The following HOMER3 variants were observed in gnomAD, a reference collection of about 807,000 sequenced individuals.
HOMER3 encodes the protein homer scaffold protein 3.
A neutral mutation model predicts 45.5 loss-of-function variants in HOMER3; 34 were observed. That is an observed-to-expected ratio of 0.75 (90% CI 0.57 to 1.00). The LOEUF (loss-of-function observed/expected upper bound fraction) is 1.00. Among genes scored for constraint, HOMER3 ranks in the 50% least tolerant of loss-of-function variants. The pLI is 0.00. For synonymous variants in HOMER3, 223 were observed against 208.8 expected (o/e 1.07, Z -0.58); for missense variants, 480 against 497.5 (o/e 0.96, Z 0.33).
intron 6 of HOMER3, 45 bp downstream of exon 6, chr19:18,932,879 A>AACCCCCCCCCCCCCCCCCCCCCC: frequency 8.8e-6 from 2 of 226,446 alleles, no homozygotes; most frequent in Non-Finnish European, 1.7e-5. Context: ...CTCGTCCCCC[A>AACCCCCCCCCCCCCCCCCCCCCC]CCCCTACCCC....
intron 4 of HOMER3, among the ~76,000 whole-genome samples, chr19:18,935,389 G>A (rs1281289014): frequency 6.6e-6 from 1 of 152,062 alleles, no homozygotes; most frequent in Non-Finnish European, 1.5e-5. Flanking sequence ...ACCCACCTCG[G>A]CCTCCCAAAG....
chr19:18,929,481 G>T lies in HOMER3; in HGVS notation c.1048C>A (p.Arg350Ser). ...TCAGCCAGGCGGGCCAGGCCCTCACGCAGCTCACTCAGCTCAAACAGGCTG... is the reference window on the plus strand; with the variant it reads ...TCAGCCAGGCGGGCCAGGCCCTCACTCAGCTCACTCAGCTCAAACAGGCTG... ...DVSLFELSELREGLARLAEAA... is the reference protein window; with the variant it reads ...DVSLFELSELSEGLARLAEAA... The change falls in exon 10 of 10, where the codon CGT becomes AGT. Residue 350 changes from arginine to serine, a missense_variant. Physicochemically the swap from Arg to Ser is moderately radical, Grantham distance 110. Transcript: ENST00000392351. The T allele has an allele frequency of 6.3e-7, 1 of 1,599,220 alleles. No homozygotes were observed. Among genetic ancestry groups the T allele is most frequent in the Non-Finnish European group, 8.5e-7 (1 of 1,175,530 alleles).
At position 18,929,593 on chromosome 19, in the gene HOMER3, C is replaced by T; in HGVS notation, c.936G>A (p.Arg312=). The change falls in exon 10 of 10, where the codon CGG becomes CGA. Residue 312 remains arginine, a synonymous_variant. Transcript: ENST00000392351. ...TRNAELEHQL[R]AMERSLEEAR... Reference sequence around the variant, plus strand: ...CCTCCTCCAGGCTGCGCTCCATCGCCCGCAGCTGGTGCTCCAACTCCGCAT... The same window carrying T: ...CCTCCTCCAGGCTGCGCTCCATCGCTCGCAGCTGGTGCTCCAACTCCGCAT... The T allele has an allele frequency of 6.5e-7, 1 of 1,539,504 alleles. No homozygotes were observed. Among genetic ancestry groups the T allele is most frequent in the Non-Finnish European group, 8.8e-7 (1 of 1,141,606 alleles).
At position 18,939,053 on chromosome 19, in the gene HOMER3, G is replaced by A; in HGVS notation, c.-67-4C>T. On this transcript the variant is annotated splice_polypyrimidine_tract_variant and splice_region_variant and intron_variant, in intron 1 of 9. Transcript: ENST00000392351. ...GGCAGGAGCACTGGTTTGGCCCCTA[G>A]GGAGAGAGGAGGGACTATGAGTGTC... 6.8e-7 allele frequency: 1 copy of A among 1,461,184 alleles called. No homozygotes were observed. Among genetic ancestry groups the A allele is most frequent in the Non-Finnish European group, 9.1e-7 (1 of 1,094,364 alleles). The allele number at this position is 1,461,184 out of a possible 1,614,324, so 90.5% of individuals were successfully genotyped here. A position where few individuals can be genotyped will look rare whatever the true frequency, so the allele number is the denominator to read the frequency against.
intron 6 of HOMER3, among the ~76,000 whole-genome samples, chr19:18,932,576 C>A (rs1252415936): frequency 6.6e-6 from 1 of 151,764 alleles, no homozygotes; most frequent in Non-Finnish European, 1.5e-5. Context: ...ACGTGGAGTC[C>A]GCCCAGTGAC....
rs1004605988 is a variant in HOMER3 at position 18,941,139 on chromosome 19, G to C, written c.-156C>G. 2.0e-5 allele frequency: 3 copies of C among 149,088 alleles called. No individual in the cohort carries two copies. The highest frequency in any genetic ancestry group is 7.3e-5 in the African/African-American group (3 of 40,910). The allele number at this position is 149,088 out of a possible 1,614,324, so 9.2% of individuals were successfully genotyped here. A position where few individuals can be genotyped will look rare whatever the true frequency, so the allele number is the denominator to read the frequency against. ...CTCCGCGCTGCCGGGCGCCCCGCTC[G>C]CTCCCTGGCTCCCGGGCCCGCGCCC... On this transcript the variant is annotated 5_prime_UTR_variant, in exon 1 of 10. Coordinates refer to ENST00000392351, the MANE Select transcript of HOMER3 (RefSeq NM_004838.4).
At chr19:18,934,793 G>A (rs1464728709) in intron 4 of HOMER3, among the ~76,000 whole-genome samples, 1 of 151,876 alleles carries the variant, frequency 6.6e-6, no homozygotes, top group East Asian at 1.9e-4. Flanking sequence ...CTACAGGTGT[G>A]TGCCATCATG....
chr19:18,936,327 A>AAAAT (rs2057092835), intron 4 of HOMER3, among the ~76,000 whole-genome samples: 2 of 147,948 alleles, frequency 1.4e-5, no homozygotes, highest in Non-Finnish European at 3.0e-5. Flanking sequence ...AAAATAAATA[A>AAAAT]ATAAATAAAT....
Position 18,938,396 on chromosome 19 carries a change from G to A in HOMER3, c.260C>T (p.Thr87Ile), listed in dbSNP as rs1011016092. The change falls in exon 4 of 10, where the codon ACA (threonine) becomes ATA (isoleucine). Residue 87 changes from threonine (T) to isoleucine (I), a missense_variant. Coordinates refer to ENST00000392351, the MANE Select transcript of HOMER3 (RefSeq NM_004838.4). ...AGAGGCAAAGCCCAGGCCGTAGACTGTGTTGGCGCGACTGTCGGCCCACTG... is the reference window on the plus strand; with the variant it reads ...AGAGGCAAAGCCCAGGCCGTAGACTATGTTGGCGCGACTGTCGGCCCACTG... ...FGQWADSRAN[T>I]VYGLGFASEQ... The A allele has an allele frequency of 1.9e-6, 3 of 1,614,082 alleles. No individual in the cohort carries two copies. In the East Asian group the frequency reaches 6.7e-5, roughly 36 times the overall value.
chr19:18,932,256 C>T (rs1333540502), intron 6 of HOMER3, 124 bp from the exon 7 acceptor site: 3 of 807,794 alleles, frequency 3.7e-6, no homozygotes, highest in African/African-American at 4.2e-5. Context: ...CGAAGGCTGG[C>T]GAGGGTGCGG....
chr19:18,939,455 AG>A (rs2057131413), intron 1 of HOMER3: 1 of 156,352 alleles, frequency 6.4e-6, no homozygotes, highest in South Asian at 2.0e-4. Flanking sequence ...CAAAAAAGAA[AG>A]AAATTATAAA....
intron 9 of HOMER3, among the ~76,000 whole-genome samples, chr19:18,929,998 C>A (rs555105742): frequency 4.6e-5 from 7 of 152,022 alleles, no homozygotes; most frequent in African/African-American, 1.4e-4. Flanking sequence ...ACCTGTAATC[C>A]CAGAACTTTG....
At chr19:18,937,403 G>A (rs750198483) in intron 4 of HOMER3, among the ~76,000 whole-genome samples, 6 of 151,926 alleles carry the variant, frequency 3.9e-5, no homozygotes, top group Non-Finnish European at 8.8e-5. Flanking sequence ...AAAGCCTGGT[G>A]TGGTAGCTCA....
chr19:18,938,744 C>A lies in HOMER3; in HGVS notation c.155G>T (p.Ser52Ile). The A allele has an allele frequency of 6.3e-7, 1 of 1,584,572 alleles. No homozygotes were observed. Among genetic ancestry groups the A allele is most frequent in the Non-Finnish European group, 8.6e-7 (1 of 1,161,914 alleles). ...DATRNVYRII[S>I]IGGAKAIINS... ...CACCCTGACCTTGGCGCCTCCGATG[C>A]TGATGATGCGGTACACATTGCGGGT... Residue 52 changes from serine (S) to isoleucine (I), a missense_variant, in exon 3 of 10, where the codon AGC becomes ATC. Coordinates refer to ENST00000392351, the MANE Select transcript of HOMER3 (RefSeq NM_004838.4).
intron 4 of HOMER3, among the ~76,000 whole-genome samples, chr19:18,936,090 T>C (rs1326174640): frequency 1.4e-5 from 2 of 146,386 alleles, no homozygotes; most frequent in East Asian, 4.0e-4. Context: ...CCGAGGCAGG[T>C]GGATCATGAG....
In HOMER3 at chr19:18,938,515, T is replaced by C. The variant is rs748165229; in HGVS notation, c.172-31A>G. On this transcript the variant is annotated intron_variant, in intron 3 of 9. Coordinates refer to ENST00000392351, the MANE Select transcript of HOMER3 (RefSeq NM_004838.4). ...GTCGGGGAACAAAGTTCAAGGTAGA[T>C]GGGACAGATACTAACAAACATGAAA... 1.0e-5 allele frequency: 16 copies of C among 1,605,066 alleles called. No homozygotes were observed. In the Admixed American group the frequency reaches 2.7e-4, roughly 27 times the overall value.
chr19:18,934,512 C>T, intron 4 of HOMER3, 102 bp from the exon 5 acceptor site: 1 of 562,546 alleles, frequency 1.8e-6, no homozygotes, highest in East Asian at 3.4e-5. Flanking sequence ...CCGTACCCAT[C>T]CCCTTATCAC....
rs1212475765 is a variant in HOMER3, at chr19:18,931,383, C to G, written c.836G>C (p.Gly279Ala). The G allele has an allele frequency of 1.9e-6, 3 of 1,614,070 alleles. No individual in the cohort carries two copies. The highest frequency in any genetic ancestry group is 2.5e-6 in the Non-Finnish European group (3 of 1,180,030). ...QEIQTLKSQTGGPREALEAAE... is the reference protein window; with the variant it reads ...QEIQTLKSQTAGPREALEAAE... ...AGCCTCCAGGGCCTCGCGGGGCCCC[C>G]CAGTCTGACTCTTCAGGGTCTGAAT... The change falls in exon 9 of 10, where the codon GGG (glycine) becomes GCG (alanine). Residue 279 changes from glycine (G) to alanine (A), a missense_variant. Transcript: ENST00000392351.
At position 18,934,364 on chromosome 19, in the gene HOMER3, C is replaced by G. The variant is rs1336090506; in HGVS notation, c.350G>C (p.Arg117Thr). ...CTCCCCGCCATCCTGAGATTTCTCC[C>G]TGGCCAGCCTGGCTGCTTCCTTCAC... Reference protein sequence around the residue: ...QEVKEAARLAREKSQDGGELT... With the variant: ...QEVKEAARLATEKSQDGGELT... The change falls in exon 5 of 10, where the codon AGG becomes ACG. Residue 117 changes from arginine (R) to threonine (T), a missense_variant. Physicochemically the swap from Arg to Thr is moderately conservative, Grantham distance 71. Coordinates refer to ENST00000392351, the MANE Select transcript of HOMER3 (RefSeq NM_004838.4). The G allele has an allele frequency of 1.3e-6, 2 of 1,593,484 alleles. No homozygotes were observed. The highest frequency in any genetic ancestry group is 1.7e-6 in the Non-Finnish European group (2 of 1,170,566).
Sources: allele counts gnomAD v4.1 joint callset (sites outside exome capture counted in the v4.1 genomes callset), GRCh38; gene constraint gnomAD v4.1.1; transcripts MANE v1.5; gene names NCBI Gene and HGNC (gene_info 2026-07-23, HGNC 2026-07-21).